Variants in PDE10A observed in about 807,000 individuals in gnomAD.
The protein encoded by PDE10A is phosphodiesterase 10A.
A neutral mutation model predicts 97.7 loss-of-function variants in PDE10A; 39 were observed. The ratio of observed to expected loss-of-function variants is 0.40; its 90% CI spans 0.31 to 0.52. The LOEUF (loss-of-function observed/expected upper bound fraction) is 0.52, where lower values mean the gene tolerates loss of function less well. Ranked by LOEUF, PDE10A falls within the 20% of genes least tolerant of loss-of-function variation. The pLI is 0.56. For synonymous variants in PDE10A, 371 were observed against 376.8 expected (o/e 0.98, Z 0.18); for missense variants, 731 against 1,047.8 (o/e 0.70, Z 4.17).
intron 1 of PDE10A, among the ~76,000 whole-genome samples, chr6:165,862,394 T>C (rs960818877): frequency 3.3e-5 from 5 of 152,198 alleles, no homozygotes; most frequent in Non-Finnish European, 5.9e-5. Context: ...ACAATTCTTA[T>C]GTGAAATGCA....
chr6:165,921,272 TTAGA>T (rs1033527709), intron 1 of PDE10A, among the ~76,000 whole-genome samples: 1 of 152,202 alleles, frequency 6.6e-6, no homozygotes, highest in Non-Finnish European at 1.5e-5. Flanking sequence ...AATGTGCATC[TTAGA>T]TAGCCAGTTT....
At chr6:165,738,245 G>A (rs1792630811) in intron 1 of PDE10A, among the ~76,000 whole-genome samples, 1 of 146,026 alleles carries the variant, frequency 6.8e-6, no homozygotes, top group Admixed American at 7.2e-5. Context: ...TCCCACCTAT[G>A]AGTGAGAATA....
intron 20 of PDE10A, among the ~76,000 whole-genome samples, 176 bp from the exon 21 acceptor site, chr6:165,336,387 A>G (rs1201643379): frequency 6.6e-6 from 1 of 152,234 alleles, no homozygotes; most frequent in African/African-American, 2.4e-5. Flanking sequence ...ACTGTATTTT[A>G]AAATGCATTA....
chr6:165,430,319 T>C lies in PDE10A; in HGVS notation c.1569A>G (p.Thr523=). 1.9e-6 allele frequency: 3 copies of C among 1,609,346 alleles called. No homozygotes were observed. Among genetic ancestry groups the C allele is most frequent in the Non-Finnish European group, 1.7e-6 (2 of 1,176,394 alleles). Reference sequence around the variant, plus strand: ...CGTCGAGTAGGAAGTCATTCAATTCTGTCTGTTTGGCAAGGCCTCTGCATA... The same window carrying C: ...CGTCGAGTAGGAAGTCATTCAATTCCGTCTGTTTGGCAAGGCCTCTGCATA... ...VQVCRGLAKQ[T]ELNDFLLDVS... Residue 523 remains threonine (T), a synonymous_variant, in exon 9 of 22, where the codon ACA becomes ACG. Transcript: ENST00000539869.
chr6:165,400,860 T>TA (rs1471113800), intron 13 of PDE10A, among the ~76,000 whole-genome samples: 3 of 152,190 alleles, frequency 2.0e-5, no homozygotes, highest in Non-Finnish European at 2.9e-5. Flanking sequence ...ATCCATACAA[T>TA]AAACTACTAC....
In PDE10A at chr6:165,504,428, C is replaced by T. The variant is rs190795002; in HGVS notation, c.995-22085G>A. Among the ~76,000 whole-genome samples, 23 of 152,246 alleles carry T rather than the reference C, an allele frequency of 1.5e-4. No homozygotes were observed. In the East Asian group the frequency reaches 4.0e-3, roughly 27 times the overall value. ...CTTAGATAAATGATTGAATATTCTTCATCTCCAGTATGATCCTGGCCCAAT... is the reference window on the plus strand; with the variant it reads ...CTTAGATAAATGATTGAATATTCTTTATCTCCAGTATGATCCTGGCCCAAT... On this transcript the variant is annotated intron_variant, in intron 2 of 21. Transcript: ENST00000539869.
intron 1 of PDE10A, among the ~76,000 whole-genome samples, chr6:165,612,619 T>C (rs1410521131): frequency 6.6e-6 from 1 of 152,206 alleles, no homozygotes; most frequent in African/African-American, 2.4e-5. Context: ...ATCTACTTGC[T>C]TTGCCTCCCA....
At chr6:165,872,984 G>A (rs1354775630) in intron 1 of PDE10A, among the ~76,000 whole-genome samples, 1 of 152,228 alleles carries the variant, frequency 6.6e-6, no homozygotes, top group East Asian at 1.9e-4. Flanking sequence ...AGCTATGCTT[G>A]CTGAGGGTAA....
intron 1 of PDE10A, among the ~76,000 whole-genome samples, chr6:165,782,751 G>A (rs530552612): frequency 1.3e-5 from 2 of 152,178 alleles, no homozygotes; most frequent in Non-Finnish European, 2.9e-5. Flanking sequence ...ACCCAGGGAC[G>A]TACTTACCCA....
At chr6:165,623,184 G>A (rs945129299) in intron 1 of PDE10A, among the ~76,000 whole-genome samples, 2 of 152,104 alleles carry the variant, frequency 1.3e-5, no homozygotes, top group African/African-American at 4.8e-5. Context: ...AGGCTGGAGT[G>A]GCACGATCTC....
intron 1 of PDE10A, among the ~76,000 whole-genome samples, chr6:165,867,172 A>G (rs1352525769): frequency 1.3e-5 from 2 of 151,880 alleles, no homozygotes; most frequent in Non-Finnish European, 2.9e-5. Context: ...CCCACCTACA[A>G]AGAACACCAT....
chr6:165,416,665 G>T (rs1788337870), intron 11 of PDE10A, among the ~76,000 whole-genome samples: 1 of 152,074 alleles, frequency 6.6e-6, no homozygotes, highest in Non-Finnish European at 1.5e-5. Context: ...TCAGTAATTT[G>T]CCAACATTCA....
chr6:165,937,075 A>T (rs1260381293), intron 1 of PDE10A, among the ~76,000 whole-genome samples: 1 of 152,056 alleles, frequency 6.6e-6, no homozygotes, highest in East Asian at 1.9e-4. Context: ...GACCATGACA[A>T]TTTTTTTGCC....
At chr6:165,800,710 T>A (rs1778960130) in intron 1 of PDE10A, among the ~76,000 whole-genome samples, 1 of 152,204 alleles carries the variant, frequency 6.6e-6, no homozygotes. Context: ...GGACAAACCA[T>A]CAATCGATGG....
intron 1 of PDE10A, among the ~76,000 whole-genome samples, chr6:165,816,005 A>G (rs1779399351): frequency 6.6e-6 from 1 of 151,178 alleles, no homozygotes; most frequent in Non-Finnish European, 1.5e-5. Flanking sequence ...GCTGGAGTGC[A>G]GTGGCGTGAT....
At chr6:165,879,823 G>A (rs1562779555) in intron 1 of PDE10A, among the ~76,000 whole-genome samples, 1 of 151,056 alleles carries the variant, frequency 6.6e-6, no homozygotes, top group Non-Finnish European at 1.5e-5. Context: ...TTAAATCCGT[G>A]GTTGGTAGAA....
chr6:165,759,624 A>T (rs553712934), intron 1 of PDE10A, among the ~76,000 whole-genome samples: 2 of 152,348 alleles, frequency 1.3e-5, no homozygotes, highest in East Asian at 3.9e-4. Context: ...CACTGCAGTG[A>T]ATAACCTCAT....
At chr6:165,765,336 G>T (rs1018358876) in intron 1 of PDE10A, among the ~76,000 whole-genome samples, 6 of 152,240 alleles carry the variant, frequency 3.9e-5, no homozygotes, top group African/African-American at 1.4e-4. Flanking sequence ...TAGAGCAGGG[G>T]GCGGCGCTCC....
At chr6:165,949,557 T>C (rs1251626047) in intron 1 of PDE10A, 2 of 152,106 alleles carry the variant, frequency 1.3e-5, no homozygotes, top group Non-Finnish European at 2.9e-5. Context: ...GGATGATGAC[T>C]GGGGTGACCA....
Sources: allele counts gnomAD v4.1 joint callset (sites outside exome capture counted in the v4.1 genomes callset), GRCh38; gene constraint gnomAD v4.1.1; transcripts MANE v1.5; gene names NCBI Gene and HGNC (gene_info 2026-07-23, HGNC 2026-07-21).